Variants in SCP2 observed in about 807,000 individuals in gnomAD.
SCP2 encodes sterol carrier protein 2.
SCP2 carries 48 observed loss-of-function variants against 71.4 expected under a neutral mutation model. That is an observed-to-expected ratio of 0.67 (90% CI 0.53 to 0.86). The LOEUF (loss-of-function observed/expected upper bound fraction) is 0.86. Among genes scored for constraint, SCP2 ranks in the 40% least tolerant of loss-of-function variants. The pLI is 0.00. For synonymous variants in SCP2, 220 were observed against 218.1 expected (o/e 1.01, Z -0.08); for missense variants, 560 against 655.6 (o/e 0.85, Z 1.59).
At chr1:52,998,105 T>C (rs1399573915) in intron 11 of SCP2, among the ~76,000 whole-genome samples, 1 of 152,248 alleles carries the variant, frequency 6.6e-6, no homozygotes, top group Admixed American at 6.5e-5. Context: ...CAAGTAGTAT[T>C]CTATTGTTGA....
chr1:52,961,711 T>C, intron 6 of SCP2, 82 bp downstream of exon 6: 1 of 1,219,360 alleles, frequency 8.2e-7, no homozygotes. Flanking sequence ...ATTAAGGAAC[T>C]GTGGAGGATG....
At chr1:52,927,878 T>C (rs1442518927) in intron 1 of SCP2, among the ~76,000 whole-genome samples, 1 of 152,182 alleles carries the variant, frequency 6.6e-6, no homozygotes, top group East Asian at 1.9e-4. Flanking sequence ...GAAACGCTCC[T>C]GATGCCCAGC....
Position 52,993,425 on chromosome 1 carries a change from G to C in SCP2, c.1081+5289G>C, listed in dbSNP as rs556297688. 989 of 1,614,006 alleles carry C rather than the reference G, an allele frequency of 6.1e-4. 2 individuals are homozygous for C. The highest frequency in any genetic ancestry group is 8.1e-4 in the Non-Finnish European group (956 of 1,180,038). On this transcript the variant is annotated intron_variant, in intron 11 of 15. Coordinates refer to ENST00000371514, the MANE Select transcript of SCP2 (RefSeq NM_002979.5). ...TACCTGTCTTTGATGATCCAGATCT[G>C]CTTTATTACCAATTAAAATCATTGG...
intron 14 of SCP2, among the ~76,000 whole-genome samples, chr1:53,043,812 T>A (rs1663595392): frequency 6.6e-6 from 1 of 152,180 alleles, no homozygotes; most frequent in African/African-American, 2.4e-5. Context: ...TACCTCGTGC[T>A]CTTTGATGTT....
Position 53,050,914 on chromosome 1 carries a change from A to C in SCP2, c.*210A>C, listed in dbSNP as rs188281484. The C allele has an allele frequency of 4.3e-6, 2 of 462,908 alleles. No individual in the cohort carries two copies. The highest frequency in any genetic ancestry group is 3.9e-5 in the African/African-American group (2 of 50,704). The allele number at this position is 462,908 out of a possible 1,614,324, so 28.7% of individuals were successfully genotyped here. Reference sequence around the variant, plus strand: ...CTACTGCTTTGCGGAATTGCATACAACTGTGCATTACAAAGTTAATATGGT... The same window carrying C: ...CTACTGCTTTGCGGAATTGCATACACCTGTGCATTACAAAGTTAATATGGT... On this transcript the variant is annotated 3_prime_UTR_variant, in exon 16 of 16. Coordinates refer to ENST00000371514, the MANE Select transcript of SCP2 (RefSeq NM_002979.5).
chr1:52,961,608 A>G lies in SCP2; in HGVS notation c.502A>G (p.Lys168Glu). 6.2e-7 allele frequency: 1 copy of G among 1,613,956 alleles called. No homozygotes were observed. Among genetic ancestry groups the G allele is most frequent in the Middle Eastern group, 1.7e-4 (1 of 6,060 alleles). ...VAPQMFGYAG[K>E]EHMEKYGTKI... is the part of the protein sequence containing the mutation. ...TCCTCAGATGTTTGGGTATGCTGGAAAAGAACATATGGAAAAATATGGTAT... is the reference window on the plus strand; with the variant it reads ...TCCTCAGATGTTTGGGTATGCTGGAGAAGAACATATGGAAAAATATGGTAT... Residue 168 changes from lysine to glutamate, a missense_variant, in exon 6 of 16, where the codon AAA (lysine) becomes GAA (glutamate). By Grantham distance (56) the Lys-to-Glu change is moderately conservative. This residue lies in a region of SCP2 where 513 missense variants were observed against 573.1 expected (regional missense o/e 0.90). Transcript: ENST00000371514.
Position 53,002,443 on chromosome 1 carries a change from G to A in SCP2, c.1082-12447G>A, listed in dbSNP as rs187959189. 3.8e-4 allele frequency among the ~76,000 whole-genome samples: 58 copies of A among 152,142 alleles called. 2 individuals carry two copies. In the East Asian group the frequency reaches 8.9e-3, roughly 23 times the overall value. On this transcript the variant is annotated intron_variant, in intron 11 of 15. Transcript: ENST00000371514. ...ATTCATTGGAAGTTATATTTTGGCC[G>A]GATACAAGAGAACTTTCTAACATGG...
intron 15 of SCP2, 28 bp from the exon 16 acceptor site, chr1:53,050,581 A>C (rs2150282358): frequency 1.4e-6 from 2 of 1,459,788 alleles, no homozygotes; most frequent in East Asian, 4.5e-5. Context: ...AAAAACACCA[A>C]GTAATGAATT....
At chr1:53,008,085 G>A (rs1214102629) in intron 11 of SCP2, among the ~76,000 whole-genome samples, 1 of 152,134 alleles carries the variant, frequency 6.6e-6, no homozygotes, top group East Asian at 1.9e-4. Flanking sequence ...CGAGGAAGAA[G>A]TTGAATCCCT....
chr1:53,027,527 G>A (rs1424255967), intron 12 of SCP2, among the ~76,000 whole-genome samples: 1 of 152,068 alleles, frequency 6.6e-6, no homozygotes, highest in Non-Finnish European at 1.5e-5. Context: ...TGTTTATGAC[G>A]GAGTTTCGCT....
At chr1:52,972,618 CCCAATTTTTAGGAGATT>C (rs1657596973) in intron 6 of SCP2, among the ~76,000 whole-genome samples, 1 of 152,180 alleles carries the variant, frequency 6.6e-6, no homozygotes, top group African/African-American at 2.4e-5. Flanking sequence ...GGCCACCAAT[CCCAATTTTTAGGAGATT>C]CCAATTGTTA....
At chr1:52,999,815 G>GTTTTTTTTTTTTTTTTT (rs60893788) in intron 11 of SCP2, among the ~76,000 whole-genome samples, 12 of 109,418 alleles carry the variant, frequency 1.1e-4, no homozygotes, top group East Asian at 3.0e-4. Context: ...CTGAACACTT[G>GTTTTTTTTTTTTTTTTT]TTTTTTTTTT....
At chr1:53,001,298 G>A (rs1473925108) in intron 11 of SCP2, among the ~76,000 whole-genome samples, 1 of 152,054 alleles carries the variant, frequency 6.6e-6, no homozygotes, top group Non-Finnish European at 1.5e-5. Context: ...AGGATGGCAG[G>A]GTCATGAAGA....
At position 52,937,404 on chromosome 1, in the gene SCP2, A is replaced by G. The variant is rs562717876; in HGVS notation, c.70-4392A>G. ...TTATGAAAAAATAAAATATAAATAG[A>G]ACATTGCTAGCACCTCAGAAGGCCC... On this transcript the variant is annotated intron_variant, in intron 1 of 15. Coordinates refer to ENST00000371514, the MANE Select transcript of SCP2 (RefSeq NM_002979.5). Among the ~76,000 whole-genome samples, 27 of 152,296 alleles carry G rather than the reference A, an allele frequency of 1.8e-4. No homozygotes were observed. In the South Asian group the frequency reaches 5.4e-3, roughly 30 times the overall value.
rs781597817 is a variant in SCP2 at position 52,980,562 on chromosome 1, G to A, written c.973+19G>A. 18 of 1,606,578 alleles carry A rather than the reference G, an allele frequency of 1.1e-5. No individual in the cohort carries two copies. In the East Asian group the frequency reaches 4.0e-4, roughly 36 times the overall value. On this transcript the variant is annotated intron_variant, in intron 10 of 15. Coordinates refer to ENST00000371514, the MANE Select transcript of SCP2 (RefSeq NM_002979.5). ...CCAGAAGGTAACATCTTTGAATAGGGCAGATTAATTCAGTAAATTTCACTG... is the reference window on the plus strand; with the variant it reads ...CCAGAAGGTAACATCTTTGAATAGGACAGATTAATTCAGTAAATTTCACTG...
rs190914292 is a variant in SCP2 at position 52,996,986 on chromosome 1, A to T, written c.1081+8850A>T. Among the ~76,000 whole-genome samples, 8 of 152,030 alleles carry T rather than the reference A, an allele frequency of 5.3e-5. No individual in the cohort carries two copies. In the East Asian group the frequency reaches 1.4e-3, roughly 26 times the overall value. The stretch of plus-strand genomic sequence containing the variant: ...TATTTTGAACTTGCTGCCTTTTTTC[A>T]TATTGAAAATGTGACATTGCTCCAA... On this transcript the variant is annotated intron_variant, in intron 11 of 15. Coordinates refer to ENST00000371514, the MANE Select transcript of SCP2 (RefSeq NM_002979.5).
intron 13 of SCP2, 101 bp downstream of exon 13, chr1:53,028,172 A>G: frequency 2.9e-6 from 2 of 699,142 alleles, no homozygotes; most frequent in Non-Finnish European, 5.3e-6. Context: ...GAAAATTTAT[A>G]TCATGTTGTC....
intron 6 of SCP2, among the ~76,000 whole-genome samples, chr1:52,973,069 G>C (rs1420442211): frequency 6.6e-6 from 1 of 152,228 alleles, no homozygotes; most frequent in Non-Finnish European, 1.5e-5. Flanking sequence ...TTTGGTGAGA[G>C]AGCCTCTAGT....
intron 7 of SCP2, among the ~76,000 whole-genome samples, chr1:52,975,242 A>G (rs961055777): frequency 3.3e-5 from 5 of 151,620 alleles, no homozygotes; most frequent in East Asian, 1.9e-4. Flanking sequence ...ATGCAGTGGC[A>G]TGATCTCGGC....
Sources: allele counts gnomAD v4.1 joint callset (sites outside exome capture counted in the v4.1 genomes callset), GRCh38; gene constraint gnomAD v4.1.1; regional missense constraint gnomAD v4.1.1; transcripts MANE v1.5; gene names NCBI Gene and HGNC (gene_info 2026-07-23, HGNC 2026-07-21).